CFAP20DC: variants seen among roughly 807,000 people sequenced by gnomAD.
The protein encoded by CFAP20DC is protein CFAP20DC.
A neutral mutation model predicts 101.7 loss-of-function variants in CFAP20DC; 84 were observed. The observed-to-expected ratio is 0.83, with a 90% CI of 0.69 to 0.99. The LOEUF (loss-of-function observed/expected upper bound fraction) is 0.99, where lower values mean the gene tolerates loss of function less well. Ranked by LOEUF, CFAP20DC falls within the 50% of genes least tolerant of loss-of-function variation. The probability of loss-of-function intolerance (pLI) is 0.00; values close to 1 mark genes in which losing one functional copy is unlikely to be tolerated. For synonymous variants in CFAP20DC, 359 were observed against 351.2 expected, an observed-to-expected ratio of 1.02 and a Z score of -0.25; for missense variants, 1,007 against 970.3, an observed-to-expected ratio of 1.04 and a Z score of -0.50.
intron 1 of CFAP20DC, among the ~76,000 whole-genome samples, chr3:59,048,893 G>A (rs555338412): frequency 3.9e-5 from 6 of 152,126 alleles, no homozygotes; most frequent in Non-Finnish European, 8.8e-5. Flanking sequence ...AAAGCAGGTC[G>A]AGACACTCTA....
At chr3:58,818,268 A>C (rs1017750932) in intron 14 of CFAP20DC, among the ~76,000 whole-genome samples, 21 of 151,870 alleles carry the variant, frequency 1.4e-4, no homozygotes, top group Non-Finnish European at 2.8e-4. Flanking sequence ...TCATAATGAC[A>C]GGATCAAATT....
intron 4 of CFAP20DC, among the ~76,000 whole-genome samples, chr3:59,012,811 T>C (rs942413131): frequency 1.1e-4 from 16 of 152,008 alleles, no homozygotes; most frequent in African/African-American, 3.1e-4. Flanking sequence ...ATTAAGAAAA[T>C]TATTTTTTTT....
At chr3:58,855,738 A>G (rs2078726665) in intron 12 of CFAP20DC, among the ~76,000 whole-genome samples, 1 of 151,476 alleles carries the variant, frequency 6.6e-6, no homozygotes, top group African/African-American at 2.4e-5. Context: ...CACAAGAAGA[A>G]AAAACTAAAC....
intron 5 of CFAP20DC, among the ~76,000 whole-genome samples, chr3:58,933,113 G>A (rs954564694): frequency 7.2e-5 from 11 of 152,040 alleles, no homozygotes; most frequent in Non-Finnish European, 1.3e-4. Flanking sequence ...AAAGGCAGGG[G>A]TTGCAATCCT....
chr3:58,961,658 T>C (rs1027461898), intron 4 of CFAP20DC, among the ~76,000 whole-genome samples: 2 of 152,222 alleles, frequency 1.3e-5, no homozygotes, highest in African/African-American at 2.4e-5. Context: ...CTAGAATTTT[T>C]CTTGGTGGGA....
chr3:58,885,126 C>A (rs1047372787), intron 6 of CFAP20DC, among the ~76,000 whole-genome samples: 3 of 151,926 alleles, frequency 2.0e-5, no homozygotes, highest in Admixed American at 6.6e-5. Context: ...GCACCCACAG[C>A]CATTATATGG....
In CFAP20DC at chr3:58,721,645, G is replaced by A. The variant is rs1039585536; in HGVS notation, c.198-4017C>T. 6.6e-6 allele frequency among the ~76,000 whole-genome samples: 1 copy of A among 152,168 alleles called. No individual in the cohort carries two copies. The highest frequency in any genetic ancestry group is 1.5e-5 in the Non-Finnish European group (1 of 68,032). ...GTGGCTGGGGAGAGAAGAGCCATGT[G>A]GTCCAGACAAATCTGGAGGGAGGGG... On this transcript the variant is annotated intron_variant, in intron 3 of 3. Coordinates refer to the CFAP20DC transcript ENST00000486145. This position sits in a 1 kb window ranked among gnomAD's most constrained non-coding sequence, Gnocchi z 5.2.
At chr3:58,935,288 G>A (rs2087380864) in intron 5 of CFAP20DC, among the ~76,000 whole-genome samples, 2 of 151,842 alleles carry the variant, frequency 1.3e-5, no homozygotes, top group Non-Finnish European at 2.9e-5. Context: ...ACAAACAAAT[G>A]GAAGAACATT....
chr3:58,738,458 C>A (rs2067807228), downstream of CFAP20DC, among the ~76,000 whole-genome samples: 1 of 152,158 alleles, frequency 6.6e-6, no homozygotes, highest in African/African-American at 2.4e-5. This position sits in a 1 kb window ranked among gnomAD's most constrained non-coding sequence, Gnocchi z 4.4. Flanking sequence ...TCTGTTCCTG[C>A]ATTAGTTTGC....
At chr3:58,938,678 C>T (rs2088061917) in intron 4 of CFAP20DC, among the ~76,000 whole-genome samples, 1 of 152,036 alleles carries the variant, frequency 6.6e-6, no homozygotes. Context: ...TTAAAATTGG[C>T]ATTGTCTTTT....
chr3:58,912,736 G>C lies in CFAP20DC; in HGVS notation c.550+972C>G, dbSNP rs1345922333. ...GCTACCTTATGAATTCCAGGGAGCT[G>C]AGTTACCTGCAGAGTATATTTATAA... On this transcript the variant is annotated intron_variant, in intron 6 of 16. Coordinates refer to ENST00000482387, the MANE Select transcript of CFAP20DC (RefSeq NM_001394063.1). The surrounding 1 kb of genome is among the most constrained non-coding windows in gnomAD (Gnocchi z 4.4). 2 of 456,374 alleles carry C rather than the reference G, an allele frequency of 4.4e-6. No individual in the cohort carries two copies. Among genetic ancestry groups the C allele is most frequent in the South Asian group, 3.1e-5 (2 of 64,488 alleles). The allele number at this position is 456,374 out of a possible 1,614,324, so 28.3% of individuals were successfully genotyped here.
At chr3:58,949,235 G>A (rs924122283) in intron 4 of CFAP20DC, among the ~76,000 whole-genome samples, 4 of 152,238 alleles carry the variant, frequency 2.6e-5, no homozygotes, top group African/African-American at 9.6e-5. Flanking sequence ...CAAAAAACCA[G>A]CTCCTGGATT....
chr3:58,992,605 T>G, intron 4 of CFAP20DC: 1 of 981,638 alleles, frequency 1.0e-6, no homozygotes, highest in Non-Finnish European at 1.2e-6. Flanking sequence ...TGCTGGAGTA[T>G]CACATTTTGC....
At chr3:58,731,476 T>TGGTAG (rs1220151141) in intron 3 of CFAP20DC, among the ~76,000 whole-genome samples, 2 of 152,106 alleles carry the variant, frequency 1.3e-5, no homozygotes, top group Admixed American at 1.3e-4. Context: ...GCAAAAAAGG[T>TGGTAG]GGTAGCTCAG....
intron 13 of CFAP20DC, among the ~76,000 whole-genome samples, chr3:58,837,961 C>T (rs2076851396): frequency 6.6e-6 from 1 of 152,146 alleles, no homozygotes; most frequent in African/African-American, 2.4e-5. Context: ...CAGGGCACCT[C>T]TTTACTAGCA....
chr3:59,025,498 T>C (rs1054762947), intron 4 of CFAP20DC, among the ~76,000 whole-genome samples: 3 of 152,144 alleles, frequency 2.0e-5, no homozygotes, highest in African/African-American at 7.2e-5. Context: ...TTAAAGAATA[T>C]AAAACTTATA....
chr3:59,041,183 C>A (rs886848517), intron 3 of CFAP20DC, among the ~76,000 whole-genome samples: 2 of 152,046 alleles, frequency 1.3e-5, no homozygotes, highest in Non-Finnish European at 2.9e-5. Flanking sequence ...TGAAATCAGT[C>A]TTTAAAAAAG....
At chr3:58,826,026 T>C (rs1253135938) in intron 14 of CFAP20DC, among the ~76,000 whole-genome samples, 2 of 152,206 alleles carry the variant, frequency 1.3e-5, no homozygotes, top group Admixed American at 1.3e-4. Flanking sequence ...TAAAGACTCT[T>C]CATTTTACTC....
At chr3:58,944,896 A>C (rs139212338) in intron 4 of CFAP20DC, among the ~76,000 whole-genome samples, 2 of 152,088 alleles carry the variant, frequency 1.3e-5, no homozygotes, top group Non-Finnish European at 2.9e-5. Flanking sequence ...TCGTGTAAAG[A>C]AAAAAAATCT....
Sources: allele counts gnomAD v4.1 joint callset (sites outside exome capture counted in the v4.1 genomes callset), GRCh38; gene constraint gnomAD v4.1.1; non-coding constraint Gnocchi (gnomAD v3.1); transcripts MANE v1.5; gene names NCBI Gene and HGNC (gene_info 2026-07-23, HGNC 2026-07-21).